The following GPHN variants were observed in gnomAD, a reference collection of about 807,000 sequenced individuals.
The protein encoded by GPHN is gephyrin.
GPHN carries 17 observed loss-of-function variants against 95.5 expected under a neutral mutation model. The ratio of observed to expected loss-of-function variants is 0.18; its 90% CI spans 0.12 to 0.27. GPHN has a LOEUF of 0.27. Ranked by LOEUF, GPHN falls within the 10% of genes least tolerant of loss-of-function variation. GPHN has a pLI of 1.00. For synonymous variants in GPHN, 320 were observed against 322.5 expected, an observed-to-expected ratio of 0.99 and a Z score of 0.08; for missense variants, 660 against 978.1, an observed-to-expected ratio of 0.67 and a Z score of 4.34.
chr14:66,540,365 A>G (rs934011278), intron 1 of GPHN, among the ~76,000 whole-genome samples: 9 of 152,212 alleles, frequency 5.9e-5, no homozygotes, highest in Admixed American at 3.9e-4. Flanking sequence ...TGTTACTCTT[A>G]TGGGAGTGCT....
At chr14:67,664,726 T>G in the GPHN span, among the ~76,000 whole-genome samples, 1 of 152,192 alleles carries the variant, frequency 6.6e-6, no homozygotes, top group Non-Finnish European at 1.5e-5. Flanking sequence ...CTCAAACTCC[T>G]GACCTCAAGT....
At chr14:67,042,226 A>G (rs2074745505) in intron 10 of GPHN, among the ~76,000 whole-genome samples, 1 of 151,942 alleles carries the variant, frequency 6.6e-6, no homozygotes, top group Non-Finnish European at 1.5e-5. Flanking sequence ...GAAGCTCTTT[A>G]GTTTAATTAG....
the GPHN span, chr14:67,677,363 A>ATTTTTTTTTTTTT: frequency 3.4e-4 from 11 of 31,978 alleles, 1 homozygote; most frequent in East Asian, 1.4e-3. Context: ...TGTTTTTAGG[A>ATTTTTTTTTTTTT]TTTTTTTTTT....
the GPHN span, chr14:67,583,889 T>A: frequency 6.2e-7 from 1 of 1,613,488 alleles, no homozygotes; most frequent in South Asian, 1.1e-5. Flanking sequence ...CTGAGGTAGG[T>A]AGGCTACAAG....
chr14:66,743,298 A>C (rs925592615), intron 2 of GPHN, among the ~76,000 whole-genome samples: 1 of 151,552 alleles, frequency 6.6e-6, no homozygotes, highest in African/African-American at 2.4e-5. Flanking sequence ...TCTAGTCTTT[A>C]TCTACAAACT....
the GPHN span, chr14:67,724,743 C>A: frequency 1.4e-6 from 1 of 706,476 alleles, no homozygotes; most frequent in Non-Finnish European, 2.6e-6. Flanking sequence ...ACTGTGACAC[C>A]AACTTACACT....
chr14:67,387,167 C>T, the GPHN span: 2 of 600,382 alleles, frequency 3.3e-6, no homozygotes, highest in Non-Finnish European at 5.5e-6. Context: ...AAGGAAATGG[C>T]ACCACTGCTG....
intron 9 of GPHN, among the ~76,000 whole-genome samples, chr14:67,018,147 T>C (rs1356637237): frequency 6.6e-6 from 1 of 152,132 alleles, no homozygotes; most frequent in Admixed American, 6.6e-5. Context: ...ATAAGTCCTA[T>C]ATTAGAATTT....
intron 2 of GPHN, among the ~76,000 whole-genome samples, chr14:66,767,617 A>C (rs1207783118): frequency 6.6e-6 from 1 of 151,886 alleles, no homozygotes; most frequent in Non-Finnish European, 1.5e-5. Context: ...GAAAATGGAA[A>C]TTTGGAATTG....
intron 5 of GPHN, among the ~76,000 whole-genome samples, chr14:66,880,550 A>G (rs2063880478): frequency 6.6e-6 from 1 of 152,044 alleles, no homozygotes; most frequent in Non-Finnish European, 1.5e-5. Flanking sequence ...TAATAAAACT[A>G]AACTGCCAAG....
At chr14:67,148,917 T>A (rs1886752826) in intron 18 of GPHN, among the ~76,000 whole-genome samples, 1 of 152,008 alleles carries the variant, frequency 6.6e-6, no homozygotes, top group African/African-American at 2.4e-5. Flanking sequence ...TTCTCATGAG[T>A]GTATGCTTGA....
chr14:66,565,917 T>C (rs1164650621), intron 1 of GPHN, among the ~76,000 whole-genome samples: 1 of 151,868 alleles, frequency 6.6e-6, no homozygotes, highest in African/African-American at 2.4e-5. Flanking sequence ...TTTTAAGACT[T>C]TCAGGAAAAA....
At chr14:67,684,961 A>G in the GPHN span, 1 of 1,487,978 alleles carries the variant, frequency 6.7e-7, no homozygotes, top group Middle Eastern at 1.8e-4. Flanking sequence ...GACAAACCCA[A>G]ATTATCTCCT....
At chr14:67,634,941 T>C in the GPHN span, among the ~76,000 whole-genome samples, 3,558 of 152,286 alleles carry the variant, frequency 0.023, 139 homozygotes, top group African/African-American at 0.081. Context: ...GGGACAGATA[T>C]CTCAAGACAC....
chr14:66,590,680 A>T (rs1198481139), intron 1 of GPHN, among the ~76,000 whole-genome samples: 2 of 152,140 alleles, frequency 1.3e-5, no homozygotes, highest in Non-Finnish European at 2.9e-5. Context: ...CCAACCAAAA[A>T]ATACCCAGGA....
the GPHN span, among the ~76,000 whole-genome samples, chr14:67,555,070 G>A: frequency 0.062 from 9,366 of 152,034 alleles, 395 homozygotes; most frequent in Non-Finnish European, 0.099. Flanking sequence ...ACACCGCCAC[G>A]CTCAGCTAAT....
chr14:67,150,405 C>T (rs1040880260), intron 18 of GPHN, among the ~76,000 whole-genome samples: 12 of 132,984 alleles, frequency 9.0e-5, no homozygotes, highest in African/African-American at 2.5e-4. Flanking sequence ...CCCGCCACTG[C>T]ACTCCAGCCT....
chr14:67,621,107 G>C, the GPHN span: 1 of 755,254 alleles, frequency 1.3e-6, no homozygotes. Context: ...GATTCCGTCT[G>C]CGGCTTAAGA....
At chr14:67,692,397 C>T in the GPHN span, 1 of 1,607,200 alleles carries the variant, frequency 6.2e-7, no homozygotes, top group Non-Finnish European at 8.5e-7. Flanking sequence ...GCCATGTTGA[C>T]CTCAAGACCC....
Sources: gnomAD v4.1 joint callset for allele counts (sites outside exome capture counted in the v4.1 genomes callset) on GRCh38, gnomAD v4.1.1 for gene constraint, MANE v1.5 for transcripts, NCBI Gene and HGNC (gene_info 2026-07-23, HGNC 2026-07-21) for gene names.